Variants in PLCB1 observed in about 807,000 individuals in gnomAD.
The protein encoded by PLCB1 is 1-phosphatidylinositol 4,5-bisphosphate phosphodiesterase beta-1.
In PLCB1, 46 loss-of-function variants were observed where a neutral mutation model predicts 161.8. That is an observed-to-expected ratio of 0.28 (90% confidence interval 0.22 to 0.36). The LOEUF (loss-of-function observed/expected upper bound fraction) is 0.36, where lower values mean the gene tolerates loss of function less well. PLCB1 is among the 10% of genes least tolerant of loss of function. The pLI, the probability that PLCB1 is intolerant of heterozygous loss-of-function variation, is 1.00. For missense variants in PLCB1, 1,016 were observed against 1,472.5 expected (o/e 0.69, Z 5.07); for synonymous variants, 517 against 503.7 (o/e 1.03, Z -0.35).
intron 3 of PLCB1, among the ~76,000 whole-genome samples, chr20:8,533,034 C>T (rs1465938670): frequency 5.1e-5 from 7 of 138,192 alleles, no homozygotes; most frequent in African/African-American, 8.1e-5. Context: ...CCACAATAGT[C>T]CCCAGAGTGT....
At chr20:8,540,130 C>T (rs772083107) in intron 3 of PLCB1, among the ~76,000 whole-genome samples, 3 of 152,042 alleles carry the variant, frequency 2.0e-5, no homozygotes, top group Non-Finnish European at 4.4e-5. Context: ...AAATGCTACA[C>T]ATTATACTAT....
chr20:8,841,652 C>G (rs1456883096), intron 31 of PLCB1, among the ~76,000 whole-genome samples: 4 of 152,214 alleles, frequency 2.6e-5, no homozygotes, highest in African/African-American at 9.6e-5. Context: ...TATATCTCCA[C>G]TCTTACACGT....
At chr20:8,459,630 G>T (rs1981481024) in intron 3 of PLCB1, among the ~76,000 whole-genome samples, 1 of 152,182 alleles carries the variant, frequency 6.6e-6, no homozygotes, top group African/African-American at 2.4e-5. Flanking sequence ...TGTTGTGAAG[G>T]TTATGAAAAA....
intron 25 of PLCB1, among the ~76,000 whole-genome samples, chr20:8,762,087 A>C (rs371229487): frequency 3.9e-5 from 6 of 152,070 alleles, no homozygotes; most frequent in African/African-American, 1.2e-4. Flanking sequence ...GCGCGCACCT[A>C]TAATCCCAGC....
At position 8,780,340 on chromosome 20, in the gene PLCB1, G is replaced by A. The variant is rs550134513; in HGVS notation, c.3111+5621G>A. ...TTGCTTCTCAGCCACAGATGTGCTC[G>A]ACCCACCATTTTGTCTTCTTTCTTC... On this transcript the variant is annotated intron_variant, in intron 27 of 31. Coordinates refer to ENST00000338037, the MANE Select transcript of PLCB1 (RefSeq NM_015192.4). Among the ~76,000 whole-genome samples, 4 of 152,200 alleles carry A rather than the reference G, an allele frequency of 2.6e-5. No homozygotes were observed. The East Asian group carries it at 7.7e-4, about 29-fold the overall frequency.
At chr20:8,774,381 A>G (rs1982841229) in intron 26 of PLCB1, among the ~76,000 whole-genome samples, 158 bp from the exon 27 acceptor site, 1 of 152,156 alleles carries the variant, frequency 6.6e-6, no homozygotes, top group African/African-American at 2.4e-5. Flanking sequence ...CTCTATTGCT[A>G]AGCTTGTCCT....
intron 3 of PLCB1, among the ~76,000 whole-genome samples, chr20:8,502,813 C>G (rs1195603418): frequency 6.6e-6 from 1 of 152,090 alleles, no homozygotes; most frequent in African/African-American, 2.4e-5. Context: ...CTGATGACCC[C>G]TAGAGAGGAA....
chr20:8,194,068 G>A (rs2051998710), intron 2 of PLCB1, among the ~76,000 whole-genome samples: 1 of 151,958 alleles, frequency 6.6e-6, no homozygotes, highest in Admixed American at 6.6e-5. Flanking sequence ...CAACATACTG[G>A]CTGCTTCTTG....
At position 8,355,225 on chromosome 20, in the gene PLCB1, T is replaced by TA. The variant is rs373531273; in HGVS notation, c.178-16146dup. On this transcript the variant is annotated intron_variant, in intron 2 of 31. Coordinates refer to ENST00000338037, the MANE Select transcript of PLCB1 (RefSeq NM_015192.4). Reference sequence around the variant, plus strand: ...TGATCAGAGATAGTGGTATTTGTCTTAAAAAAAAAAAGAAAGAAAGAAAAG... The same window carrying TA: ...TGATCAGAGATAGTGGTATTTGTCTTAAAAAAAAAAAAGAAAGAAAGAAAAG... Among the ~76,000 whole-genome samples, 955 of 144,880 alleles carry TA rather than the reference T, an allele frequency of 6.6e-3. 11 individuals are homozygous for TA. Among genetic ancestry groups the TA allele is most frequent in the African/African-American group, 0.02 (784 of 39,712 alleles).
intron 2 of PLCB1, among the ~76,000 whole-genome samples, chr20:8,212,772 G>T (rs1300457981): frequency 6.6e-6 from 1 of 152,044 alleles, no homozygotes; most frequent in African/African-American, 2.4e-5. Flanking sequence ...GCACTTTGAA[G>T]TTCCAGTTGC....
At chr20:8,142,973 C>T (rs955214210) in intron 1 of PLCB1, among the ~76,000 whole-genome samples, 10 of 152,140 alleles carry the variant, frequency 6.6e-5, no homozygotes, top group African/African-American at 2.4e-4. Flanking sequence ...TTTTGGAGCT[C>T]GACCTTCCTG....
intron 3 of PLCB1, among the ~76,000 whole-genome samples, chr20:8,450,528 T>C (rs1160358780): frequency 6.6e-6 from 1 of 152,186 alleles, no homozygotes; most frequent in Non-Finnish European, 1.5e-5. Flanking sequence ...TTTCTACCAT[T>C]GTACTGCTGT....
intron 3 of PLCB1, among the ~76,000 whole-genome samples, chr20:8,435,593 T>G (rs1037894270): frequency 3.9e-5 from 6 of 152,138 alleles, no homozygotes; most frequent in Admixed American, 1.3e-4. Flanking sequence ...CAGCCTCTGG[T>G]ATCCAAGGCC....
chr20:8,649,517 C>A, intron 7 of PLCB1, 68 bp downstream of exon 7: 1 of 1,078,414 alleles, frequency 9.3e-7, no homozygotes, highest in Non-Finnish European at 1.4e-6. Flanking sequence ...AAACTTAATC[C>A]CCAATATGAC....
chr20:8,621,462 T>C (rs1278676336), intron 3 of PLCB1, among the ~76,000 whole-genome samples: 1 of 152,232 alleles, frequency 6.6e-6, no homozygotes, highest in East Asian at 1.9e-4. Context: ...ATTGCTATAG[T>C]TCATGCACTT....
chr20:8,312,511 G>A (rs1401456234), intron 2 of PLCB1, among the ~76,000 whole-genome samples: 1 of 152,146 alleles, frequency 6.6e-6, no homozygotes, highest in East Asian at 1.9e-4. Flanking sequence ...TTGGGTACCT[G>A]TAATTAGGTG....
chr20:8,582,473 A>C (rs967325600), intron 3 of PLCB1, among the ~76,000 whole-genome samples: 4 of 152,168 alleles, frequency 2.6e-5, no homozygotes, highest in Non-Finnish European at 5.9e-5. Context: ...GGCTGAGACC[A>C]GTCTCCAGCT....
chr20:8,545,254 A>T (rs889311857), intron 3 of PLCB1, among the ~76,000 whole-genome samples: 2 of 152,180 alleles, frequency 1.3e-5, no homozygotes, highest in African/African-American at 4.8e-5. Context: ...TTCTGGAATG[A>T]TGTGGTGGCC....
At chr20:8,411,885 T>TTACA (rs1979059029) in intron 3 of PLCB1, among the ~76,000 whole-genome samples, 1 of 152,080 alleles carries the variant, frequency 6.6e-6, no homozygotes, top group Non-Finnish European at 1.5e-5. Flanking sequence ...TAGCCAGGTG[T>TTACA]GGTGGCGCAT....
Sources: gnomAD v4.1 joint callset for allele counts (sites outside exome capture counted in the v4.1 genomes callset) on GRCh38, gnomAD v4.1.1 for gene constraint, MANE v1.5 for transcripts, NCBI Gene and HGNC (gene_info 2026-07-23, HGNC 2026-07-21) for gene names.